Variants in ADGRL3 observed in about 807,000 individuals in gnomAD.
ADGRL3 encodes calcium-independent alpha-latrotoxin receptor 3.
ADGRL3 carries 62 observed loss-of-function variants against 153.5 expected under a neutral mutation model. The ratio of observed to expected loss-of-function variants is 0.40; its 90% CI spans 0.33 to 0.50. ADGRL3 has a LOEUF of 0.50. ADGRL3 is among the 20% of genes least tolerant of loss of function. ADGRL3 has a pLI of 0.47. For synonymous variants in ADGRL3, 710 were observed against 672.5 expected (o/e 1.06, Z -0.86); for missense variants, 1,641 against 1,859.4 (o/e 0.88, Z 2.16).
chr4:61,481,732 AAAAG>A (rs1309708865), intron 2 of ADGRL3, among the ~76,000 whole-genome samples: 2 of 152,052 alleles, frequency 1.3e-5, no homozygotes, highest in Non-Finnish European at 2.9e-5. Context: ...CTATAGAGGA[AAAAG>A]AAAGAAGGAA....
intron 9 of ADGRL3, among the ~76,000 whole-genome samples, chr4:61,842,137 A>G (rs1012476211): frequency 3.3e-5 from 5 of 152,254 alleles, no homozygotes; most frequent in Non-Finnish European, 7.3e-5. Context: ...CTATACAGTT[A>G]AAACATTTTA....
intron 13 of ADGRL3, chr4:61,933,799 G>A (rs534639669): frequency 6.6e-6 from 1 of 152,272 alleles, no homozygotes; most frequent in African/African-American, 2.4e-5. Context: ...GTCTCTCCCA[G>A]CCCCTCGGCC....
intron 5 of ADGRL3, among the ~76,000 whole-genome samples, chr4:61,646,181 T>G (rs927798653): frequency 3.3e-5 from 5 of 151,984 alleles, no homozygotes; most frequent in Admixed American, 6.5e-5. Context: ...TAGTTATACA[T>G]TCTTCTAAAT....
At chr4:61,396,111 G>T (rs13131652) in intron 2 of ADGRL3, among the ~76,000 whole-genome samples, 40,847 of 151,724 alleles carry the variant, frequency 0.27, 5,716 homozygotes, top group East Asian at 0.43. Flanking sequence ...TATTTGTAAA[G>T]TGCTACCTAC....
At chr4:61,422,701 T>G (rs2097220842) in intron 2 of ADGRL3, among the ~76,000 whole-genome samples, 1 of 152,082 alleles carries the variant, frequency 6.6e-6, no homozygotes, top group South Asian at 2.1e-4. Flanking sequence ...GGGGAATATC[T>G]GTTCTATGAA....
intron 23 of ADGRL3, among the ~76,000 whole-genome samples, chr4:62,035,918 A>T (rs960049455): frequency 1.9e-4 from 29 of 152,246 alleles, no homozygotes; most frequent in African/African-American, 7.0e-4. Context: ...TTTGAGGGAC[A>T]TACCTAGCAC....
intron 21 of ADGRL3, among the ~76,000 whole-genome samples, chr4:62,025,831 A>G (rs908284873): frequency 2.6e-5 from 4 of 152,156 alleles, no homozygotes; most frequent in Non-Finnish European, 4.4e-5. Context: ...TAGTCATACA[A>G]CCTGTAACGG....
chr4:61,370,361 G>A (rs1042810640), intron 1 of ADGRL3, among the ~76,000 whole-genome samples: 3 of 151,234 alleles, frequency 2.0e-5, no homozygotes, highest in Non-Finnish European at 4.4e-5. Context: ...TCTCTTGTGG[G>A]CATGTAGTGC....
At chr4:61,600,427 GT>G (rs1560914263) in intron 5 of ADGRL3, among the ~76,000 whole-genome samples, 1 of 151,840 alleles carries the variant, frequency 6.6e-6, no homozygotes, top group Non-Finnish European at 1.5e-5. Context: ...AGGAAGTTAG[GT>G]GTTCAGCAGT....
At chr4:61,574,707 T>C (rs918076640) in intron 4 of ADGRL3, among the ~76,000 whole-genome samples, 2 of 151,862 alleles carry the variant, frequency 1.3e-5, no homozygotes, top group Non-Finnish European at 2.9e-5. Context: ...TTAATATATT[T>C]CTAATGGTGG....
chr4:61,210,449 T>G (rs1739412045), intron 1 of ADGRL3, among the ~76,000 whole-genome samples: 1 of 152,114 alleles, frequency 6.6e-6, no homozygotes, highest in African/African-American at 2.4e-5. Context: ...ATGTTCTGCT[T>G]GGGTGGGTAA....
chr4:62,002,708 CTG>C (rs1279117026), intron 21 of ADGRL3, among the ~76,000 whole-genome samples: 1 of 152,094 alleles, frequency 6.6e-6, no homozygotes, highest in African/African-American at 2.4e-5. Flanking sequence ...TCCTTTGTCT[CTG>C]TTTCATCCAA....
intron 2 of ADGRL3, among the ~76,000 whole-genome samples, chr4:61,465,793 A>G (rs1370249991): frequency 1.8e-5 from 2 of 113,312 alleles, no homozygotes; most frequent in Non-Finnish European, 3.9e-5. Context: ...TATGGAATAT[A>G]TATTTTCGTT....
intron 23 of ADGRL3, among the ~76,000 whole-genome samples, chr4:62,033,382 G>C (rs1723231800): frequency 6.6e-6 from 1 of 151,796 alleles, no homozygotes; most frequent in South Asian, 2.1e-4. Flanking sequence ...AGAGATGGCA[G>C]TCTGCCACAC....
chr4:61,808,163 G>A (rs545414580), intron 8 of ADGRL3, among the ~76,000 whole-genome samples: 3 of 152,192 alleles, frequency 2.0e-5, no homozygotes, highest in South Asian at 2.1e-4. Flanking sequence ...CCTCTATCAA[G>A]GTACATATCA....
intron 9 of ADGRL3, among the ~76,000 whole-genome samples, chr4:61,829,378 C>T (rs1297980383): frequency 6.6e-6 from 1 of 151,974 alleles, no homozygotes; most frequent in Non-Finnish European, 1.5e-5. Context: ...AATCTGATAT[C>T]CTTTGGGATT....
At chr4:61,600,198 T>C (rs924590396) in intron 5 of ADGRL3, among the ~76,000 whole-genome samples, 1 of 148,334 alleles carries the variant, frequency 6.7e-6, no homozygotes, top group African/African-American at 2.5e-5. Context: ...GTCCCAGCTA[T>C]TCAGGAGGCT....
chr4:61,409,142 A>C (rs1439422772), intron 2 of ADGRL3, among the ~76,000 whole-genome samples: 2 of 147,696 alleles, frequency 1.4e-5, no homozygotes, highest in East Asian at 2.0e-4. Flanking sequence ...GAGGACAAGA[A>C]AGTCACCAAA....
intron 5 of ADGRL3, among the ~76,000 whole-genome samples, chr4:61,635,042 G>C (rs761572767): frequency 3.3e-5 from 5 of 152,092 alleles, no homozygotes; most frequent in Non-Finnish European, 7.4e-5. Flanking sequence ...AGGAGCAGGC[G>C]TACTGAGTCT....
Sources: allele counts gnomAD v4.1 joint callset (sites outside exome capture counted in the v4.1 genomes callset), GRCh38; gene constraint gnomAD v4.1.1; transcripts MANE v1.5; gene names NCBI Gene and HGNC (gene_info 2026-07-23, HGNC 2026-07-21).